The following MND1 variants were observed in gnomAD, a reference collection of about 807,000 sequenced individuals.
The protein encoded by MND1 is meiotic nuclear divisions 1.
A neutral mutation model predicts 35.1 loss-of-function variants in MND1; 28 were observed. The ratio of observed to expected loss-of-function variants is 0.80; its 90% CI spans 0.59 to 1.09. The LOEUF (loss-of-function observed/expected upper bound fraction) is 1.09, where lower values mean the gene tolerates loss of function less well. Ranked by LOEUF, MND1 falls within the 50% of genes least tolerant of loss-of-function variation. MND1 has a pLI of 0.00. For synonymous variants in MND1, 69 were observed against 70.5 expected (o/e 0.98, Z 0.11); for missense variants, 213 against 239.6 (o/e 0.89, Z 0.73).
intron 6 of MND1, among the ~76,000 whole-genome samples, chr4:153,405,870 T>A (rs192157359): frequency 4.8e-4 from 73 of 152,278 alleles, no homozygotes; most frequent in African/African-American, 1.5e-3. Flanking sequence ...AGTGGCATGA[T>A]CTTGGCTCAC....
chr4:153,389,987 A>G (rs1031063472), intron 4 of MND1, among the ~76,000 whole-genome samples: 3 of 152,006 alleles, frequency 2.0e-5, no homozygotes, highest in Non-Finnish European at 2.9e-5. Flanking sequence ...TCGGAAACTC[A>G]GGAGGTAGAG....
chr4:153,371,417 C>G (rs1272228152), intron 4 of MND1, among the ~76,000 whole-genome samples: 1 of 152,034 alleles, frequency 6.6e-6, no homozygotes, highest in Non-Finnish European at 1.5e-5. Flanking sequence ...TTTTGTCTAC[C>G]CTGAAAATTT....
At chr4:153,404,114 A>G (rs1729418650) in intron 6 of MND1, among the ~76,000 whole-genome samples, 1 of 151,834 alleles carries the variant, frequency 6.6e-6, no homozygotes, top group South Asian at 2.1e-4. Flanking sequence ...CTAGACAAAG[A>G]CACTTTAAAT....
intron 2 of MND1, among the ~76,000 whole-genome samples, chr4:153,353,463 A>G (rs1192852850): frequency 7.5e-6 from 1 of 133,206 alleles, no homozygotes; most frequent in Non-Finnish European, 1.6e-5. Flanking sequence ...CTATCCACTT[A>G]TCTCTCCATC....
intron 4 of MND1, among the ~76,000 whole-genome samples, chr4:153,386,029 A>G (rs1029621674): frequency 4.6e-5 from 7 of 152,284 alleles, no homozygotes; most frequent in African/African-American, 1.7e-4. Context: ...CACTGATTGT[A>G]GCAAATGTAC....
chr4:153,350,398 G>A (rs1190245770), intron 2 of MND1, among the ~76,000 whole-genome samples: 1 of 152,110 alleles, frequency 6.6e-6, no homozygotes, highest in East Asian at 1.9e-4. Context: ...TCCTCTTTCT[G>A]CCTGAAAAAT....
At chr4:153,391,969 G>A (rs995411451) in intron 4 of MND1, among the ~76,000 whole-genome samples, 1 of 151,936 alleles carries the variant, frequency 6.6e-6, no homozygotes, top group African/African-American at 2.4e-5. Flanking sequence ...CCCAAAGCAA[G>A]GGTAAACCTA....
intron 6 of MND1, among the ~76,000 whole-genome samples, chr4:153,400,275 A>G (rs1478697851): frequency 1.3e-5 from 2 of 152,174 alleles, no homozygotes; most frequent in African/African-American, 2.4e-5. Context: ...CCATGTAAAG[A>G]TGGATCCTGG....
At chr4:153,402,154 A>G (rs1729362049) in intron 6 of MND1, among the ~76,000 whole-genome samples, 1 of 152,196 alleles carries the variant, frequency 6.6e-6, no homozygotes. Flanking sequence ...ACAGTCTCAA[A>G]ACAACAACAA....
At chr4:153,397,663 A>AC (rs397878377) in intron 6 of MND1, among the ~76,000 whole-genome samples, 32 of 151,396 alleles carry the variant, frequency 2.1e-4, no homozygotes, top group African/African-American at 7.3e-4. Flanking sequence ...CAAAAAAAAA[A>AC]CACAAAATTA....
At chr4:153,373,049 C>CT (rs1372805840) in intron 4 of MND1, among the ~76,000 whole-genome samples, 1 of 148,720 alleles carries the variant, frequency 6.7e-6, no homozygotes, top group Non-Finnish European at 1.5e-5. Context: ...CATGGCATAT[C>CT]TTTTTCTGTT....
intron 1 of MND1, among the ~76,000 whole-genome samples, chr4:153,347,313 T>C (rs1773097579): frequency 6.6e-6 from 1 of 152,218 alleles, no homozygotes; most frequent in African/African-American, 2.4e-5. Context: ...TATGGGTTCC[T>C]GGAGTTTGCC....
At chr4:153,407,425 T>G (rs934714020) in intron 6 of MND1, among the ~76,000 whole-genome samples, 1 of 152,026 alleles carries the variant, frequency 6.6e-6, no homozygotes, top group African/African-American at 2.4e-5. Context: ...ACCGCGCTAT[T>G]GCACTCCACC....
At chr4:153,396,374 C>T (rs1333375982) in intron 5 of MND1, among the ~76,000 whole-genome samples, 1 of 152,068 alleles carries the variant, frequency 6.6e-6, no homozygotes, top group Non-Finnish European at 1.5e-5. Context: ...ACTCTCTTCA[C>T]TTTGGAACCA....
chr4:153,352,164 A>G (rs1224339803), intron 2 of MND1, among the ~76,000 whole-genome samples: 1 of 152,182 alleles, frequency 6.6e-6, no homozygotes, highest in Non-Finnish European at 1.5e-5. Flanking sequence ...ACTTCAGCAA[A>G]CACTTAAATG....
intron 4 of MND1, 126 bp from the exon 5 acceptor site, chr4:153,394,136 T>C: frequency 1.5e-6 from 1 of 668,342 alleles, no homozygotes; most frequent in Non-Finnish European, 2.6e-6. Context: ...GACCTTGTGA[T>C]CTGCCTGCCT....
Position 153,414,736 on chromosome 4 carries a change from C to G in MND1, c.512-15C>G. ...TTGTGTTTTTCTCAAAATTATTTCT[C>G]AATTTTCTTTATAGATAACATATTC... On this transcript the variant is annotated splice_polypyrimidine_tract_variant and intron_variant, in intron 7 of 7. Coordinates refer to ENST00000240488, the MANE Select transcript of MND1 (RefSeq NM_032117.4). 5.2e-6 allele frequency: 6 copies of G among 1,154,984 alleles called. No individual in the cohort carries two copies. The highest frequency in any genetic ancestry group is 6.2e-6 in the Non-Finnish European group (5 of 808,182). The allele number at this position is 1,154,984 out of a possible 1,614,324, so 71.5% of individuals were successfully genotyped here.
Position 153,414,747 on chromosome 4 carries a change from A to G in MND1, c.512-4A>G, listed in dbSNP as rs749274533. On this transcript the variant is annotated splice_polypyrimidine_tract_variant and splice_region_variant and intron_variant, in intron 7 of 7. Transcript: ENST00000240488. ...TCAAAATTATTTCTCAATTTTCTTTATAGATAACATATTCGCAATAAAATC... is the reference window on the plus strand; with the variant it reads ...TCAAAATTATTTCTCAATTTTCTTTGTAGATAACATATTCGCAATAAAATC... The G allele has an allele frequency of 1.6e-6, 2 of 1,280,160 alleles. No homozygotes were observed. The highest frequency in any genetic ancestry group is 2.8e-5 in the South Asian group (2 of 72,192). 79.3% of individuals were successfully genotyped at this position (1,280,160 alleles called of 1,614,324 possible).
chr4:153,389,004 A>G (rs1346932405), intron 4 of MND1, among the ~76,000 whole-genome samples: 1 of 152,226 alleles, frequency 6.6e-6, no homozygotes, highest in Non-Finnish European at 1.5e-5. Context: ...ATAGGGGAGT[A>G]CATACTGATT....
Sources: allele counts gnomAD v4.1 joint callset (sites outside exome capture counted in the v4.1 genomes callset), GRCh38; gene constraint gnomAD v4.1.1; transcripts MANE v1.5; gene names NCBI Gene and HGNC (gene_info 2026-07-23, HGNC 2026-07-21).